CNBD1: variants seen among roughly 807,000 people sequenced by gnomAD.
CNBD1 encodes the protein cyclic nucleotide-binding domain-containing protein 1.
In CNBD1, 71 loss-of-function variants were observed where a neutral mutation model predicts 54.4. That is an observed-to-expected ratio of 1.30 (90% CI 1.08 to 1.59). The LOEUF (loss-of-function observed/expected upper bound fraction) is 1.59, where lower values mean the gene tolerates loss of function less well. Ranked by LOEUF, CNBD1 falls within the 40% of genes most tolerant of loss-of-function variation. The pLI is 0.00. For missense variants in CNBD1, 659 were observed against 518.0 expected, an observed-to-expected ratio of 1.27 and a Z score of -2.64; for synonymous variants, 182 against 170.7, an observed-to-expected ratio of 1.07 and a Z score of -0.51.
At chr8:86,949,958 T>TG (rs1563833527) in intron 4 of CNBD1, among the ~76,000 whole-genome samples, 1 of 36,490 alleles carries the variant, frequency 2.7e-5, no homozygotes, top group Non-Finnish European at 6.2e-5. Context: ...TTTTTTTTTT[T>TG]TTTTTTTTTT....
chr8:87,141,423 G>T (rs771173505), intron 4 of CNBD1, among the ~76,000 whole-genome samples: 20 of 152,032 alleles, frequency 1.3e-4, no homozygotes, highest in South Asian at 6.2e-4. Context: ...TATTATAAAA[G>T]GTTAGTTCAA....
At chr8:87,288,000 A>G (rs542402533) in intron 8 of CNBD1, among the ~76,000 whole-genome samples, 2 of 152,108 alleles carry the variant, frequency 1.3e-5, no homozygotes, top group East Asian at 3.9e-4. Flanking sequence ...TTTTTAACCA[A>G]AAGTACAAAT....
chr8:87,178,315 C>A (rs1159744692), intron 4 of CNBD1, among the ~76,000 whole-genome samples: 1 of 152,124 alleles, frequency 6.6e-6, no homozygotes, highest in Non-Finnish European at 1.5e-5. Flanking sequence ...TAGAAATACT[C>A]TGAGAAAGCC....
chr8:87,153,055 G>A (rs1480158235), intron 4 of CNBD1, among the ~76,000 whole-genome samples: 1 of 152,188 alleles, frequency 6.6e-6, no homozygotes, highest in East Asian at 1.9e-4. Context: ...GATCAACTTT[G>A]AAAAACAGTG....
intron 4 of CNBD1, among the ~76,000 whole-genome samples, chr8:87,051,875 G>A (rs1810318406): frequency 6.6e-6 from 1 of 152,144 alleles, no homozygotes. Context: ...AGATTTTGGG[G>A]GACCTGTTCC....
intron 9 of CNBD1, 109 bp from the exon 10 acceptor site, chr8:87,353,527 T>TA (rs1429806493): frequency 4.4e-5 from 30 of 677,744 alleles, no homozygotes; most frequent in South Asian, 3.1e-4. Context: ...TAATTTATTT[T>TA]AAATATCATT....
chr8:87,292,000 T>C (rs1173265250), intron 8 of CNBD1, among the ~76,000 whole-genome samples: 1 of 152,236 alleles, frequency 6.6e-6, no homozygotes, highest in Non-Finnish European at 1.5e-5. Flanking sequence ...ATGACTTTTT[T>C]CTTCCAAAAG....
At chr8:86,921,195 T>C (rs1563822507) in intron 3 of CNBD1, among the ~76,000 whole-genome samples, 1 of 151,966 alleles carries the variant, frequency 6.6e-6, no homozygotes, top group African/African-American at 2.4e-5. Flanking sequence ...AGTGTGGATC[T>C]GGCCTCAGGA....
intron 4 of CNBD1, among the ~76,000 whole-genome samples, chr8:86,949,967 T>TG: frequency 7.6e-6 from 1 of 131,048 alleles, no homozygotes; most frequent in African/African-American, 2.9e-5. Flanking sequence ...TTTTTTTTTT[T>TG]TTTTTTTGAG....
chr8:87,182,229 T>A lies in CNBD1; in HGVS notation c.432-23764T>A, dbSNP rs1445721343. 6.6e-6 allele frequency among the ~76,000 whole-genome samples: 1 copy of A among 152,164 alleles called. No homozygotes were observed. ...TGTTACTGCAAAGGACATGATCTCA[T>A]TCTTTTTTATGGCTGCATAGTATTC... On this transcript the variant is annotated intron_variant, in intron 4 of 10. Transcript: ENST00000518476. This position sits in a 1 kb window ranked among gnomAD's most constrained non-coding sequence, Gnocchi z 4.1.
At chr8:87,191,040 G>T (rs1465279769) in intron 4 of CNBD1, among the ~76,000 whole-genome samples, 1 of 151,394 alleles carries the variant, frequency 6.6e-6, no homozygotes, top group Non-Finnish European at 1.5e-5. Context: ...AGGAGAATTA[G>T]CTTTCACTAT....
chr8:87,411,670 T>C (rs1226852044), intron 2 of CNBD1, among the ~76,000 whole-genome samples: 1 of 150,254 alleles, frequency 6.7e-6, no homozygotes, highest in Non-Finnish European at 1.5e-5. Flanking sequence ...TTTTTTTTTT[T>C]ACAACCATTA....
intron 4 of CNBD1, among the ~76,000 whole-genome samples, chr8:86,995,466 T>G (rs1161027851): frequency 6.6e-6 from 1 of 151,976 alleles, no homozygotes; most frequent in East Asian, 1.9e-4. Context: ...TCCTGACCCC[T>G]GACATAAACC....
chr8:87,108,820 C>T (rs181355187), intron 4 of CNBD1, among the ~76,000 whole-genome samples: 5 of 152,074 alleles, frequency 3.3e-5, no homozygotes, highest in South Asian at 2.1e-4. Flanking sequence ...TAACTCACCT[C>T]GGTTTATAAT....
intron 4 of CNBD1, among the ~76,000 whole-genome samples, chr8:86,983,354 C>A (rs1808532038): frequency 6.6e-6 from 1 of 152,148 alleles, no homozygotes; most frequent in South Asian, 2.1e-4. Context: ...ATTGCCCAGT[C>A]TCAGATATGT....
rs116623075 is a variant in CNBD1 at position 87,061,100 on chromosome 8, T to A, written c.431+121346T>A. Among the ~76,000 whole-genome samples the A allele has an allele frequency of 3.8e-3, 575 of 152,336 alleles. 1 individual carries two copies. The highest frequency in any genetic ancestry group is 0.013 in the African/African-American group (540 of 41,562). On this transcript the variant is annotated intron_variant, in intron 4 of 10. Transcript: ENST00000518476. ...TTTCAAAATGCCAAGTGCATGATTG[T>A]CAAGCTGGTAATCAAACTTTCTGTG...
chr8:87,192,717 T>C (rs777879748), intron 4 of CNBD1, among the ~76,000 whole-genome samples: 25 of 152,216 alleles, frequency 1.6e-4, no homozygotes, highest in Non-Finnish European at 2.8e-4. Context: ...ACATCAGCCC[T>C]ATGGATTCCT....
At chr8:87,362,602 G>A (rs1810544920) in intron 10 of CNBD1, among the ~76,000 whole-genome samples, 1 of 151,902 alleles carries the variant, frequency 6.6e-6, no homozygotes, top group African/African-American at 2.4e-5. Flanking sequence ...TTCTACCAAA[G>A]ATGGCCATTA....
chr8:87,094,830 G>A (rs1335868284), intron 4 of CNBD1, among the ~76,000 whole-genome samples: 2 of 152,178 alleles, frequency 1.3e-5, no homozygotes, highest in African/African-American at 4.8e-5. Flanking sequence ...CTGAGGTCAG[G>A]AGTTCAAGAC....
Sources: allele counts gnomAD v4.1 joint callset (sites outside exome capture counted in the v4.1 genomes callset), GRCh38; gene constraint gnomAD v4.1.1; non-coding constraint Gnocchi (gnomAD v3.1); transcripts MANE v1.5; gene names NCBI Gene and HGNC (gene_info 2026-07-23, HGNC 2026-07-21).